ZNF484: variants seen among roughly 807,000 people sequenced by gnomAD.
ZNF484 encodes the protein zinc finger protein 484.
Under a neutral mutation model 12.9 loss-of-function variants are expected in ZNF484, and 11 were observed. That is an observed-to-expected ratio of 0.85 (90% CI 0.54 to 1.41). The LOEUF (loss-of-function observed/expected upper bound fraction) is 1.41, where lower values mean the gene tolerates loss of function less well. Ranked by LOEUF, ZNF484 falls within the 40% of genes most tolerant of loss-of-function variation. ZNF484 has a pLI of 0.00. For synonymous variants in ZNF484, 289 were observed against 334.1 expected (o/e 0.86, Z 1.47); for missense variants, 807 against 1,007.7 (o/e 0.80, Z 2.70).
At chr9:92,872,001 C>T (rs1025176935) in intron 2 of ZNF484, among the ~76,000 whole-genome samples, 2 of 152,056 alleles carry the variant, frequency 1.3e-5, no homozygotes, top group African/African-American at 4.8e-5. Flanking sequence ...AGGGCCAATG[C>T]GGGCGGATCG....
intron 2 of ZNF484, among the ~76,000 whole-genome samples, chr9:92,868,329 A>G (rs928279342): frequency 6.6e-6 from 1 of 152,200 alleles, no homozygotes; most frequent in Admixed American, 6.5e-5. Flanking sequence ...TTCTTTAAAG[A>G]GCTGAAATGA....
Position 92,875,020 on chromosome 9 carries a change from A to T in ZNF484, c.10T>A (p.Ser4Thr). The T allele has an allele frequency of 6.2e-7, 1 of 1,614,006 alleles. No homozygotes were observed. Among genetic ancestry groups the T allele is most frequent in the Non-Finnish European group, 8.5e-7 (1 of 1,179,974 alleles). ...ATGAACAAATAAGAACTCACCAGGGACTTGGTCATTTTTGGCTCTTCGGAC... is the reference window on the plus strand; with the variant it reads ...ATGAACAAATAAGAACTCACCAGGGTCTTGGTCATTTTTGGCTCTTCGGAC... MTK[S>T]LESVSFKDVT... Residue 4 changes from serine (S) to threonine (T), a missense_variant, in exon 2 of 5, where the codon TCC becomes ACC. Ser to Thr is a moderately conservative substitution (Grantham distance 58, BLOSUM62 1). Coordinates refer to ENST00000375495, the MANE Select transcript of ZNF484 (RefSeq NM_031486.4).
chr9:92,859,498 C>A (rs1009951272), intron 2 of ZNF484, among the ~76,000 whole-genome samples: 1 of 152,132 alleles, frequency 6.6e-6, no homozygotes, highest in African/African-American at 2.4e-5. Context: ...CTGGAAGAAC[C>A]AATGAGCACA....
At chr9:92,852,362 C>T (rs1419069759) in intron 4 of ZNF484, among the ~76,000 whole-genome samples, 2 of 152,030 alleles carry the variant, frequency 1.3e-5, no homozygotes, top group Non-Finnish European at 2.9e-5. Flanking sequence ...GGCACGATCT[C>T]GGCTCACTGC....
intron 4 of ZNF484, among the ~76,000 whole-genome samples, chr9:92,854,007 G>C (rs1856274274): frequency 6.6e-6 from 1 of 151,902 alleles, no homozygotes; most frequent in Non-Finnish European, 1.5e-5. Flanking sequence ...GGCAGGGGCG[G>C]GTGGGGCTGG....
chr9:92,849,578 G>A (rs918016159), intron 4 of ZNF484, among the ~76,000 whole-genome samples: 7 of 152,034 alleles, frequency 4.6e-5, no homozygotes, highest in Admixed American at 6.6e-5. Context: ...TTGAGCCCAG[G>A]AGTTTGAGAC....
intron 2 of ZNF484, among the ~76,000 whole-genome samples, chr9:92,869,235 C>T (rs968743855): frequency 3.3e-5 from 5 of 151,816 alleles, no homozygotes; most frequent in African/African-American, 7.3e-5. Context: ...GGAAGACTAG[C>T]GATGAATTAC....
chr9:92,866,483 A>G (rs187053827), intron 2 of ZNF484, among the ~76,000 whole-genome samples: 270 of 152,368 alleles, frequency 1.8e-3, no homozygotes, highest in Admixed American at 3.9e-3. Context: ...TTAAAAAGTC[A>G]AGAAACAATA....
At position 92,845,499 on chromosome 9, in the gene ZNF484, G is replaced by A. The variant is rs1007329610; in HGVS notation, c.*729C>T. On this transcript the variant is annotated 3_prime_UTR_variant, in exon 5 of 5. Coordinates refer to ENST00000375495, the MANE Select transcript of ZNF484 (RefSeq NM_031486.4). This position sits in a 1 kb window ranked among gnomAD's most constrained non-coding sequence, Gnocchi z 4.0. ...AGAGAATGTACTAACAAAATTAGTG[G>A]GAAAAAATTTTAGGATTTGATATCC... The A allele has an allele frequency of 1.3e-5, 2 of 152,100 alleles. No individual in the cohort carries two copies. Among genetic ancestry groups the A allele is most frequent in the Non-Finnish European group, 2.9e-5 (2 of 68,012 alleles). The allele number at this position is 152,100 out of a possible 1,614,324, so 9.4% of individuals were successfully genotyped here. A position where few individuals can be genotyped will look rare whatever the true frequency, so the allele number is the denominator to read the frequency against.
intron 2 of ZNF484, among the ~76,000 whole-genome samples, chr9:92,859,051 A>C (rs1442916101): frequency 6.6e-6 from 1 of 152,092 alleles, no homozygotes; most frequent in African/African-American, 2.4e-5. Context: ...GTGTGAACCC[A>C]GGAGGTGGAG....
intron 2 of ZNF484, 63 bp from the exon 3 acceptor site, chr9:92,856,381 A>T: frequency 7.2e-7 from 1 of 1,381,886 alleles, no homozygotes; most frequent in South Asian, 1.6e-5. Context: ...AATTCAAAAA[A>T]AAAAACCTTT....
rs1855501005 is a variant in ZNF484, at chr9:92,844,967, A to G, written c.*1261T>C. ...TCCAAATATACAAAATTAATACCAT[A>G]TAAGAGACAAATAAATGAAATTATA... On this transcript the variant is annotated 3_prime_UTR_variant, in exon 5 of 5. Coordinates refer to ENST00000375495, the MANE Select transcript of ZNF484 (RefSeq NM_031486.4). 1 of 152,194 alleles carries G rather than the reference A, an allele frequency of 6.6e-6. No homozygotes were observed. The highest frequency in any genetic ancestry group is 6.5e-5 in the Admixed American group (1 of 15,282). The allele number at this position is 152,194 out of a possible 1,614,324, so 9.4% of individuals were successfully genotyped here. A position where few individuals can be genotyped will look rare whatever the true frequency, so the allele number is the denominator to read the frequency against.
chr9:92,866,421 C>A (rs964400718), intron 2 of ZNF484, among the ~76,000 whole-genome samples: 2 of 152,160 alleles, frequency 1.3e-5, no homozygotes, highest in Admixed American at 6.5e-5. Context: ...TAGAGAAATA[C>A]AAATCAAAAC....
In ZNF484 at chr9:92,844,192, A is replaced by C. The variant is rs958374348; in HGVS notation, c.*2036T>G. ...ATCCAGACCATCTTATTACCTCTAA[A>C]ATTTTAATATATATTGTCTGGCAAG... On this transcript the variant is annotated 3_prime_UTR_variant, in exon 5 of 5. Coordinates refer to ENST00000375495, the MANE Select transcript of ZNF484 (RefSeq NM_031486.4). Among the ~76,000 whole-genome samples, 2 of 152,186 alleles carry C rather than the reference A, an allele frequency of 1.3e-5. No individual in the cohort carries two copies. The highest frequency in any genetic ancestry group is 4.8e-5 in the African/African-American group (2 of 41,454).
intron 2 of ZNF484, among the ~76,000 whole-genome samples, chr9:92,860,277 T>G (rs1856699427): frequency 6.6e-6 from 1 of 152,126 alleles, no homozygotes; most frequent in Non-Finnish European, 1.5e-5. Flanking sequence ...GCCAAACCTC[T>G]CTTTGGGCAA....
intron 4 of ZNF484, among the ~76,000 whole-genome samples, chr9:92,854,977 G>C (rs965654): frequency 0.67 from 101,461 of 151,930 alleles, 34,881 homozygotes; most frequent in African/African-American, 0.83. Flanking sequence ...AAATATCCCA[G>C]AAATTCAAGG....
intron 1 of ZNF484, among the ~76,000 whole-genome samples, chr9:92,875,297 T>G (rs575433838): frequency 1.3e-5 from 2 of 152,378 alleles, no homozygotes; most frequent in South Asian, 4.1e-4. Flanking sequence ...AATTGTGGAT[T>G]GCTTAAATAC....
chr9:92,875,158 A>G, intron 1 of ZNF484, 99 bp from the exon 2 acceptor site: 1 of 962,410 alleles, frequency 1.0e-6, no homozygotes, highest in Non-Finnish European at 1.5e-6. Flanking sequence ...ACCTTACTCA[A>G]AAATTTATTT....
intron 2 of ZNF484, among the ~76,000 whole-genome samples, chr9:92,862,329 A>G (rs558551214): frequency 1.8e-4 from 27 of 152,126 alleles, no homozygotes; most frequent in Non-Finnish European, 3.1e-4. Flanking sequence ...CAAGACATCA[A>G]AGAACTTACA....
Sources: gnomAD v4.1 joint callset for allele counts (sites outside exome capture counted in the v4.1 genomes callset) on GRCh38, gnomAD v4.1.1 for gene constraint, Gnocchi (gnomAD v3.1) non-coding constraint, MANE v1.5 for transcripts, NCBI Gene and HGNC (gene_info 2026-07-23, HGNC 2026-07-21) for gene names.